The following CSMD3 variants were observed in gnomAD, a reference collection of about 807,000 sequenced individuals.
CSMD3 encodes CUB and sushi domain-containing protein 3.
A neutral mutation model predicts 435.2 loss-of-function variants in CSMD3; 177 were observed. That is an observed-to-expected ratio of 0.41 (90% CI 0.36 to 0.46). The LOEUF is 0.46. Ranked by LOEUF, CSMD3 falls within the 20% of genes least tolerant of loss-of-function variation. The pLI, the probability that CSMD3 is intolerant of heterozygous loss-of-function variation, is 0.34. For missense variants in CSMD3, 4,265 were observed against 4,504.6 expected, an observed-to-expected ratio of 0.95 and a Z score of 1.52; for synonymous variants, 1,656 against 1,520.5, an observed-to-expected ratio of 1.09 and a Z score of -2.07.
intron 1 of CSMD3, among the ~76,000 whole-genome samples, chr8:113,345,309 A>G (rs2132871427): frequency 6.6e-6 from 1 of 152,256 alleles, no homozygotes; most frequent in East Asian, 1.9e-4. Context: ...CAATCTTTTT[A>G]TGTTAGCTAA....
chr8:112,427,716 G>C (rs781264849), intron 32 of CSMD3, among the ~76,000 whole-genome samples: 4 of 152,134 alleles, frequency 2.6e-5, no homozygotes, highest in Non-Finnish European at 5.9e-5. Context: ...GCTTCATGGA[G>C]CTTCATCCTA....
At chr8:113,061,836 T>C (rs1564268453) in intron 5 of CSMD3, among the ~76,000 whole-genome samples, 1 of 151,940 alleles carries the variant, frequency 6.6e-6, no homozygotes, top group Non-Finnish European at 1.5e-5. Context: ...TCTTAAGATG[T>C]GTAGATGCAT....
rs145687918 is a variant in CSMD3, at chr8:112,882,097, G to A, written c.1634-22831C>T. Among the ~76,000 whole-genome samples the A allele has an allele frequency of 8.1e-4, 123 of 151,786 alleles. 3 individuals carry two copies. In the East Asian group the frequency reaches 0.023, roughly 28 times the overall value. Reference sequence around the variant, plus strand: ...AAAATCAAAAAGAAATCAGAAATAGGGAAGCCTTAGCATAAAACTATCATT... The same window carrying A: ...AAAATCAAAAAGAAATCAGAAATAGAGAAGCCTTAGCATAAAACTATCATT... On this transcript the variant is annotated intron_variant, in intron 10 of 70. Transcript: ENST00000297405.
chr8:113,305,275 C>T (rs994695116), intron 2 of CSMD3, among the ~76,000 whole-genome samples: 1 of 151,872 alleles, frequency 6.6e-6, no homozygotes. Flanking sequence ...ACATTGTACA[C>T]ATGTACCCTA....
intron 9 of CSMD3, among the ~76,000 whole-genome samples, chr8:112,922,068 G>GT (rs747612911): frequency 1.3e-5 from 2 of 151,914 alleles, no homozygotes; most frequent in Non-Finnish European, 2.9e-5. Context: ...ATATTACGGT[G>GT]TTTTTCTGGC....
chr8:112,459,358 T>TGTG (rs1439674006), intron 32 of CSMD3, among the ~76,000 whole-genome samples: 4 of 112,668 alleles, frequency 3.6e-5, no homozygotes, highest in Admixed American at 1.0e-4. Context: ...TGTGTGTGTG[T>TGTG]GGGGGGGGGG....
At chr8:112,593,707 C>G (rs187693773) in intron 22 of CSMD3, among the ~76,000 whole-genome samples, 1 of 151,934 alleles carries the variant, frequency 6.6e-6, no homozygotes, top group South Asian at 2.1e-4. Flanking sequence ...AAGGGACATT[C>G]AAAGAAGGTA....
intron 7 of CSMD3, among the ~76,000 whole-genome samples, chr8:112,968,935 C>A (rs758497625): frequency 8.6e-5 from 13 of 151,906 alleles, no homozygotes; most frequent in Non-Finnish European, 1.9e-4. Context: ...GAAATTCATA[C>A]TTTATAAAAG....
At chr8:113,045,404 G>T in intron 5 of CSMD3, among the ~76,000 whole-genome samples, 1 of 148,822 alleles carries the variant, frequency 6.7e-6, no homozygotes, top group South Asian at 2.1e-4. Context: ...CAAACTTTGG[G>T]GTTATTTGGA....
intron 5 of CSMD3, among the ~76,000 whole-genome samples, chr8:113,091,569 A>T (rs2090001778): frequency 6.6e-6 from 1 of 152,044 alleles, no homozygotes; most frequent in Non-Finnish European, 1.5e-5. Flanking sequence ...AGTTAATCAC[A>T]GCAGCCACTG....
At chr8:112,500,347 T>A (rs1821820565) in intron 30 of CSMD3, among the ~76,000 whole-genome samples, 1 of 152,158 alleles carries the variant, frequency 6.6e-6, no homozygotes, top group African/African-American at 2.4e-5. Flanking sequence ...TTTTAAAATC[T>A]AAGATAAAAA....
chr8:113,003,030 A>G (rs1372304070), intron 6 of CSMD3, among the ~76,000 whole-genome samples: 2 of 152,112 alleles, frequency 1.3e-5, no homozygotes, highest in Non-Finnish European at 2.9e-5. Context: ...ACCTGAGGTC[A>G]GGAGTTCAAG....
In CSMD3 at chr8:113,303,972, G is replaced by C. The variant is rs2093796472; in HGVS notation, c.401+10599C>G. On this transcript the variant is annotated intron_variant, in intron 2 of 70. Transcript: ENST00000297405. ...AAAGAAACTACCATCAGAGTGAACA[G>C]GCAACCTACAAAATGGGAGAAAATT... Among the ~76,000 whole-genome samples, 2 of 138,230 alleles carry C rather than the reference G, an allele frequency of 1.4e-5. 1 individual carries two copies. The highest frequency in any genetic ancestry group is 5.1e-5 in the African/African-American group (2 of 38,944). The allele number at this position is 138,230 out of a possible 152,430, so 90.7% of individuals were successfully genotyped here. A position where few individuals can be genotyped will look rare whatever the true frequency, so the allele number is the denominator to read the frequency against.
intron 12 of CSMD3, among the ~76,000 whole-genome samples, chr8:112,817,502 C>G (rs573040264): frequency 1.3e-5 from 2 of 151,926 alleles, no homozygotes; most frequent in African/African-American, 4.8e-5. Context: ...TGTTCAAATC[C>G]TTTATCTGAA....
At chr8:113,129,791 T>C (rs1253779933) in intron 4 of CSMD3, among the ~76,000 whole-genome samples, 4 of 152,074 alleles carry the variant, frequency 2.6e-5, no homozygotes, top group Non-Finnish European at 5.9e-5. Context: ...TGGAGGATGA[T>C]GCTGAAGAGG....
At position 112,298,885 on chromosome 8, in the gene CSMD3, T is replaced by C. The variant is rs529604633; in HGVS notation, c.8441-2879A>G. On this transcript the variant is annotated intron_variant, in intron 53 of 70. Coordinates refer to ENST00000297405, the MANE Select transcript of CSMD3 (RefSeq NM_198123.2). The stretch of plus-strand genomic sequence containing the variant: ...GTTGTGAGTATTCAAGAGAAATGAA[T>C]GCGTATGTCCACAAAAAGACTTTTA... Among the ~76,000 whole-genome samples, 13 of 152,250 alleles carry C rather than the reference T, an allele frequency of 8.5e-5. No homozygotes were observed. In the South Asian group the frequency reaches 2.5e-3, roughly 29 times the overall value.
chr8:113,146,789 A>C (rs991418477), intron 4 of CSMD3, among the ~76,000 whole-genome samples: 2 of 151,632 alleles, frequency 1.3e-5, no homozygotes, highest in African/African-American at 4.8e-5. Flanking sequence ...TAATATGAAA[A>C]TCTTAGAATT....
rs2094356485 is a variant in CSMD3 at position 113,372,982 on chromosome 8, T to C, written c.179-58189A>G. On this transcript the variant is annotated intron_variant, in intron 1 of 70. Transcript: ENST00000297405. ...AAAGAAAAGACACATTTATACACAG[T>C]TTTTAAAAAGTAAAAAATTTAGAAA... is the stretch of plus-strand genomic sequence containing the variant. Among the ~76,000 whole-genome samples the C allele has an allele frequency of 4.6e-5, 7 of 151,820 alleles. No homozygotes were observed. In the South Asian group the frequency reaches 1.5e-3, roughly 32 times the overall value.
intron 6 of CSMD3, among the ~76,000 whole-genome samples, chr8:112,989,899 C>T (rs768256634): frequency 6.6e-6 from 1 of 151,952 alleles, no homozygotes; most frequent in East Asian, 1.9e-4. Flanking sequence ...AAGGGCAATG[C>T]CAGATGGAGA....
Sources: allele counts gnomAD v4.1 joint callset (sites outside exome capture counted in the v4.1 genomes callset), GRCh38; gene constraint gnomAD v4.1.1; transcripts MANE v1.5; gene names NCBI Gene and HGNC (gene_info 2026-07-23, HGNC 2026-07-21).